SF3A3: variants seen among roughly 807,000 people sequenced by gnomAD.
SF3A3 encodes SAP 61.
In SF3A3, 9 loss-of-function variants were observed where a neutral mutation model predicts 85.8. The ratio of observed to expected loss-of-function variants is 0.10; its 90% CI spans 0.06 to 0.18. The LOEUF (loss-of-function observed/expected upper bound fraction) is 0.18. Ranked by LOEUF, SF3A3 falls within the 10% of genes least tolerant of loss-of-function variation. SF3A3 has a pLI of 1.00. For missense variants in SF3A3, 306 were observed against 593.3 expected (o/e 0.52, Z 5.03); for synonymous variants, 195 against 204.4 (o/e 0.95, Z 0.39).
intron 12 of SF3A3, 140 bp from the exon 13 acceptor site, chr1:37,969,875 C>T: frequency 1.1e-6 from 1 of 903,420 alleles, no homozygotes; most frequent in Non-Finnish European, 1.6e-6. Flanking sequence ...AAAATCTTGC[C>T]TTCATATCAG....
intron 2 of SF3A3, among the ~76,000 whole-genome samples, chr1:37,989,152 G>A (rs964954073): frequency 6.6e-6 from 1 of 151,992 alleles, no homozygotes. Flanking sequence ...AAAATTAGCT[G>A]AGCGTGGTGG....
intron 2 of SF3A3, 40 bp downstream of exon 2, chr1:37,989,508 C>T (rs1044464915): frequency 6.2e-7 from 1 of 1,603,558 alleles, no homozygotes; most frequent in African/African-American, 1.3e-5. Context: ...CTTTTCCCGC[C>T]CTCGCCAACC....
intron 7 of SF3A3, 23 bp downstream of exon 7, chr1:37,981,706 G>A: frequency 7.5e-7 from 1 of 1,326,552 alleles, no homozygotes; most frequent in Non-Finnish European, 1.1e-6. Context: ...TCCAGGAGAG[G>A]CCTAGAAACT....
intron 12 of SF3A3, among the ~76,000 whole-genome samples, chr1:37,970,533 C>A (rs1342478375): frequency 7.2e-6 from 1 of 138,244 alleles, no homozygotes; most frequent in Non-Finnish European, 1.5e-5. Flanking sequence ...GAACTCTCCA[C>A]CCCAAATCAA....
At chr1:37,963,598 C>T (rs1366892969) in intron 15 of SF3A3, among the ~76,000 whole-genome samples, 4 of 151,226 alleles carry the variant, frequency 2.6e-5, no homozygotes, top group African/African-American at 9.7e-5. Flanking sequence ...ACTCTGTCGC[C>T]CAGGTTGGAG....
chr1:37,984,627 C>T (rs1166106404), intron 5 of SF3A3, 80 bp downstream of exon 5: 27 of 953,658 alleles, frequency 2.8e-5, no homozygotes, highest in Non-Finnish European at 4.1e-5. Context: ...ATAAATATCT[C>T]TGAGGCCATG....
intron 16 of SF3A3, 72 bp downstream of exon 16, chr1:37,960,048 C>T (rs917233390): frequency 1.3e-4 from 155 of 1,212,224 alleles, no homozygotes; most frequent in Non-Finnish European, 1.8e-4. Context: ...CATCTTTCAC[C>T]TCCTTTCTAC....
At chr1:37,961,759 C>CAAAAAAAAAAAAAAAAAAAAAAAAAAAAA (rs10699691) in intron 15 of SF3A3, among the ~76,000 whole-genome samples, 1 of 37,802 alleles carries the variant, frequency 2.6e-5, no homozygotes, top group Non-Finnish European at 4.4e-5. Flanking sequence ...GCAAGACTGC[C>CAAAAAAAAAAAAAAAAAAAAAAAAAAAAA]AAAAAAAAAA....
intron 6 of SF3A3, among the ~76,000 whole-genome samples, chr1:37,983,256 TAAAAAAAA>T (rs71057113): frequency 8.2e-6 from 1 of 121,508 alleles, no homozygotes; most frequent in Non-Finnish European, 1.7e-5. Context: ...GGTATTTATT[TAAAAAAAA>T]AAAAAAAAAA....
At chr1:37,966,069 G>A (rs1646297605) in intron 15 of SF3A3, among the ~76,000 whole-genome samples, 1 of 152,046 alleles carries the variant, frequency 6.6e-6, no homozygotes, top group African/African-American at 2.4e-5. Context: ...CAGGCGTGGT[G>A]GCGAGCGCTT....
intron 9 of SF3A3, 61 bp from the exon 10 acceptor site, chr1:37,979,116 G>T: frequency 7.4e-7 from 1 of 1,359,076 alleles, no homozygotes; most frequent in Non-Finnish European, 1.1e-6. Flanking sequence ...AACCCCAAAT[G>T]CAGGCCAGAG....
At chr1:37,979,968 C>T (rs992208633) in intron 8 of SF3A3, among the ~76,000 whole-genome samples, 1 of 152,196 alleles carries the variant, frequency 6.6e-6, no homozygotes, top group African/African-American at 2.4e-5. Context: ...TCAGGAAAAA[C>T]TCATGTTTAT....
At chr1:37,977,268 T>C (rs768312869) in intron 11 of SF3A3, among the ~76,000 whole-genome samples, 14 of 152,206 alleles carry the variant, frequency 9.2e-5, no homozygotes, top group Admixed American at 2.6e-4. Flanking sequence ...CAGGTAGACC[T>C]AGGCCCAAAT....
intron 4 of SF3A3, among the ~76,000 whole-genome samples, chr1:37,986,835 C>CA (rs1646461057): frequency 1.2e-5 from 1 of 81,196 alleles, no homozygotes. Flanking sequence ...AAAAAAAAGA[C>CA]AGAGTTAGGA....
intron 6 of SF3A3, among the ~76,000 whole-genome samples, chr1:37,983,160 A>G (rs1646431528): frequency 1.3e-5 from 2 of 148,172 alleles, no homozygotes; most frequent in Non-Finnish European, 3.0e-5. Flanking sequence ...CTGGTCTTGA[A>G]CTCCTGACCC....
At chr1:37,970,865 AG>A (rs768112866) in intron 12 of SF3A3, among the ~76,000 whole-genome samples, 9 of 152,244 alleles carry the variant, frequency 5.9e-5, no homozygotes, top group Admixed American at 2.0e-4. Context: ...CAGCGTGTAA[AG>A]GGAAATTTAT....
chr1:37,962,812 G>A (rs1445678638), intron 15 of SF3A3, among the ~76,000 whole-genome samples: 7 of 151,022 alleles, frequency 4.6e-5, no homozygotes, highest in Non-Finnish European at 7.4e-5. Context: ...GCGGCCGGGT[G>A]CGGTGGCTCA....
rs1224582578 is a variant in SF3A3, at chr1:37,957,500, G to A, written c.*686C>T. On this transcript the variant is annotated 3_prime_UTR_variant, in exon 17 of 17. Transcript: ENST00000373019. ...TCCTGAGTAGCTGGGACTACAGTGC[G>A]TGCCACCATGCCTTTTTTTTTTTTT... 1 of 112,592 alleles carries A rather than the reference G, an allele frequency of 8.9e-6. No homozygotes were observed. Among genetic ancestry groups the A allele is most frequent in the Non-Finnish European group, 1.7e-5 (1 of 58,638 alleles). 7.0% of individuals were successfully genotyped at this position (112,592 alleles called of 1,614,324 possible).
intron 12 of SF3A3, among the ~76,000 whole-genome samples, chr1:37,970,905 G>C (rs1646340885): frequency 6.6e-6 from 1 of 152,128 alleles, no homozygotes; most frequent in Admixed American, 6.6e-5. Context: ...AAGAAAGCAG[G>C]AAAGATCTAA....
Sources: allele counts gnomAD v4.1 joint callset (sites outside exome capture counted in the v4.1 genomes callset), GRCh38; gene constraint gnomAD v4.1.1; transcripts MANE v1.5; gene names NCBI Gene and HGNC (gene_info 2026-07-23, HGNC 2026-07-21).